Variants in GLMN observed in about 807,000 individuals in gnomAD.
The protein encoded by GLMN is glomulin.
A neutral mutation model predicts 87.8 loss-of-function variants in GLMN; 75 were observed. The observed-to-expected ratio is 0.85, with a 90% CI of 0.71 to 1.04. The LOEUF (loss-of-function observed/expected upper bound fraction) is 1.04. GLMN is among the 50% of genes least tolerant of loss of function. GLMN has a pLI of 0.00. For synonymous variants in GLMN, 206 were observed against 221.6 expected, an observed-to-expected ratio of 0.93 and a Z score of 0.63; for missense variants, 588 against 658.8, an observed-to-expected ratio of 0.89 and a Z score of 1.18.
chr1:92,327,708 T>A, the GLMN span, among the ~76,000 whole-genome samples: 3 of 148,794 alleles, frequency 2.0e-5, no homozygotes, highest in African/African-American at 5.2e-5. Context: ...ATTTGTTGCC[T>A]GAACAGCTTT....
the GLMN span, among the ~76,000 whole-genome samples, chr1:92,353,093 G>T: frequency 6.6e-6 from 1 of 152,108 alleles, no homozygotes; most frequent in African/African-American, 2.4e-5. Flanking sequence ...TTCATCAGTT[G>T]ACAAACATTT....
At chr1:92,282,375 C>G (rs1460498706) in intron 7 of GLMN, among the ~76,000 whole-genome samples, 1 of 152,186 alleles carries the variant, frequency 6.6e-6, no homozygotes, top group Admixed American at 6.5e-5. Flanking sequence ...TGAATGACTA[C>G]TGGGTACATA....
At chr1:92,363,985 G>A in the GLMN span, among the ~76,000 whole-genome samples, 4 of 152,154 alleles carry the variant, frequency 2.6e-5, no homozygotes, top group Admixed American at 2.6e-4. Flanking sequence ...GGAGTCAAAA[G>A]TTATATACAG....
intron 3 of GLMN, among the ~76,000 whole-genome samples, chr1:92,297,115 C>CTT (rs1034040272): frequency 7.6e-4 from 90 of 118,290 alleles, no homozygotes; most frequent in Middle Eastern, 4.4e-3. Flanking sequence ...TGTTTCTTTT[C>CTT]TTTTTTTTTT....
rs183537355 is a variant in GLMN at position 92,258,829 on chromosome 1, C to T, written c.1473+4034G>A. On this transcript the variant is annotated intron_variant, in intron 16 of 18. Coordinates refer to ENST00000370360, the MANE Select transcript of GLMN (RefSeq NM_053274.3). Reference sequence around the variant, plus strand: ...TGAGTTGATGGGTACAGCAAACCACCATGGCACGTGTATACCTATGTAACA... The same window carrying T: ...TGAGTTGATGGGTACAGCAAACCACTATGGCACGTGTATACCTATGTAACA... Among the ~76,000 whole-genome samples the T allele has an allele frequency of 6.5e-4, 99 of 152,022 alleles. 1 individual carries two copies. The East Asian group carries it at 0.016, about 25-fold the overall frequency.
the GLMN span, chr1:92,324,016 T>C: frequency 1.2e-6 from 2 of 1,613,796 alleles, no homozygotes; most frequent in East Asian, 4.5e-5. Flanking sequence ...AAAGAGAAAC[T>C]TACTTAAAGT....
At position 92,293,677 on chromosome 1, in the gene GLMN, T is replaced by C. The variant is rs138085705; in HGVS notation, c.166-2140A>G. Among the ~76,000 whole-genome samples, 384 of 152,266 alleles carry C rather than the reference T, an allele frequency of 2.5e-3. 3 individuals carry two copies. The highest frequency in any genetic ancestry group is 9.3e-3 in the South Asian group (45 of 4,832). On this transcript the variant is annotated intron_variant, in intron 3 of 18. Transcript: ENST00000370360. ...CACTCCCATGTTCATTGCAGCACTATTTACAATATCTCAGATATGGAAGCA... is the reference window on the plus strand; with the variant it reads ...CACTCCCATGTTCATTGCAGCACTACTTACAATATCTCAGATATGGAAGCA...
intron 5 of GLMN, among the ~76,000 whole-genome samples, chr1:92,289,697 C>T (rs1438418424): frequency 6.6e-6 from 1 of 152,194 alleles, no homozygotes; most frequent in African/African-American, 2.4e-5. Flanking sequence ...CCTACCAATA[C>T]TGTTACTGCA....
the GLMN span, among the ~76,000 whole-genome samples, chr1:92,319,140 T>C: frequency 1.6e-4 from 24 of 152,344 alleles, no homozygotes; most frequent in African/African-American, 5.8e-4. Context: ...ACTGTATCCA[T>C]CTTTATAAGC....
chr1:92,264,496 A>C (rs1002938428), intron 14 of GLMN, 58 bp downstream of exon 14: 2 of 805,374 alleles, frequency 2.5e-6, no homozygotes, highest in African/African-American at 3.4e-5. Flanking sequence ...TATTCTACAT[A>C]TGAATAAATA....
intron 16 of GLMN, among the ~76,000 whole-genome samples, chr1:92,250,085 T>C (rs895979636): frequency 1.3e-5 from 2 of 152,094 alleles, no homozygotes; most frequent in African/African-American, 2.4e-5. Context: ...ACTAGGTTAC[T>C]GATGACTCTC....
the GLMN span, among the ~76,000 whole-genome samples, chr1:92,318,895 T>C: frequency 4.6e-5 from 7 of 152,140 alleles, no homozygotes; most frequent in Non-Finnish European, 1.0e-4. Context: ...AGCTGATAAC[T>C]GAGTAGGAAA....
intron 7 of GLMN, among the ~76,000 whole-genome samples, chr1:92,275,913 C>T (rs1363254256): frequency 6.6e-6 from 1 of 152,138 alleles, no homozygotes; most frequent in African/African-American, 2.4e-5. Context: ...TAGGTAATCT[C>T]ACCCCCTCTC....
chr1:92,281,460 C>T (rs992489804), intron 7 of GLMN, among the ~76,000 whole-genome samples: 5 of 152,100 alleles, frequency 3.3e-5, no homozygotes, highest in African/African-American at 1.2e-4. Context: ...ACAAAAGCTC[C>T]TGAAGGATTT....
chr1:92,307,533 TG>T, the GLMN span, among the ~76,000 whole-genome samples: 2 of 152,210 alleles, frequency 1.3e-5, no homozygotes, highest in Non-Finnish European at 2.9e-5. Context: ...CAGTGTCCTG[TG>T]ATGCTAGTTA....
At position 92,267,820 on chromosome 1, in the gene GLMN, GA is replaced by G; in HGVS notation, c.1098+92del. The G allele has an allele frequency of 5.2e-6, 4 of 775,174 alleles. No homozygotes were observed. In the South Asian group the frequency reaches 5.6e-5, roughly 11 times the overall value. 48.0% of individuals were successfully genotyped at this position (775,174 alleles called of 1,614,324 possible). On this transcript the variant is annotated intron_variant, in intron 11 of 18. Coordinates refer to ENST00000370360, the MANE Select transcript of GLMN (RefSeq NM_053274.3). Reference sequence around the variant, plus strand: ...CACCAGAGTTTTCAAAGGTTGCAGAGAAAAGAGTGGGAAAGGAATCAGAAAA... The same window carrying G: ...CACCAGAGTTTTCAAAGGTTGCAGAGAAAGAGTGGGAAAGGAATCAGAAAA...
chr1:92,249,362 C>T (rs1004118865), intron 16 of GLMN, among the ~76,000 whole-genome samples: 1 of 148,948 alleles, frequency 6.7e-6, no homozygotes, highest in African/African-American at 2.5e-5. Flanking sequence ...GTTTTCTTAA[C>T]CTCTAATGGC....
chr1:92,360,092 C>T, the GLMN span, among the ~76,000 whole-genome samples: 1 of 152,340 alleles, frequency 6.6e-6, no homozygotes, highest in African/African-American at 2.4e-5. Context: ...CAGACTCAGA[C>T]CCTATCTGAC....
chr1:92,259,732 C>CTTTTTTTTTTTTTTT (rs58390058), intron 16 of GLMN, among the ~76,000 whole-genome samples: 41 of 108,248 alleles, frequency 3.8e-4, no homozygotes, highest in East Asian at 5.8e-4. Flanking sequence ...TTTTTTCTTT[C>CTTTTTTTTTTTTTTT]TTTTTTTTTT....
Sources: gnomAD v4.1 joint callset for allele counts (sites outside exome capture counted in the v4.1 genomes callset) on GRCh38, gnomAD v4.1.1 for gene constraint, MANE v1.5 for transcripts, NCBI Gene and HGNC (gene_info 2026-07-23, HGNC 2026-07-21) for gene names.